HDAC5: variants seen among roughly 807,000 people sequenced by gnomAD.
HDAC5 encodes antigen NY-CO-9.
Under a neutral mutation model 133.3 loss-of-function variants are expected in HDAC5, and 25 were observed. The observed-to-expected ratio is 0.19, with a 90% CI of 0.14 to 0.26. The LOEUF is 0.26. HDAC5 is among the 10% of genes least tolerant of loss of function. The pLI is 1.00. For synonymous variants in HDAC5, 589 were observed against 610.8 expected, an observed-to-expected ratio of 0.96 and a Z score of 0.53; for missense variants, 1,041 against 1,460.5, an observed-to-expected ratio of 0.71 and a Z score of 4.68.
chr17:44,115,148 T>G (rs935428895), intron 2 of HDAC5, among the ~76,000 whole-genome samples: 14 of 152,222 alleles, frequency 9.2e-5, no homozygotes, highest in African/African-American at 3.4e-4. Context: ...TGATACTCAG[T>G]GAGGACTTGC....
At chr17:44,100,400 G>C (rs1256366349) in intron 3 of HDAC5, among the ~76,000 whole-genome samples, 1 of 151,796 alleles carries the variant, frequency 6.6e-6, no homozygotes, top group African/African-American at 2.4e-5. Flanking sequence ...GACCCAAGAG[G>C]CTTAGCATCT....
Position 44,086,627 on chromosome 17 carries a change from G to A in HDAC5, c.1995C>T (p.Ala665=), listed in dbSNP as rs1210037389. The A allele has an allele frequency of 7.7e-7, 1 of 1,303,034 alleles. No homozygotes were observed. 80.7% of individuals were successfully genotyped at this position (1,303,034 alleles called of 1,614,324 possible). ...CTGGGGGGCTCTTCATGCCCCCAGG[G>A]GCAGCAGGGGAGGACTGGGTACGGC... ...ALGRTQSSPA[A]PGGMKSPPDQ... The change falls in exon 14 of 27, where the codon GCC becomes GCT. Residue 665 remains alanine, a synonymous_variant. Coordinates refer to ENST00000682912, the MANE Select transcript of HDAC5 (RefSeq NM_005474.5).
At chr17:44,086,812 TCCAGTGGG>T in intron 13 of HDAC5, 75 bp from the exon 14 acceptor site, 1 of 1,154,274 alleles carries the variant, frequency 8.7e-7, no homozygotes, top group Non-Finnish European at 1.1e-6. Context: ...TGTCAGGGCC[TCCAGTGGG>T]GCCCCAATCC....
rs971583941 is a variant in HDAC5, at chr17:44,077,303, G to A, written c.*1073C>T. On this transcript the variant is annotated 3_prime_UTR_variant, in exon 27 of 27. Transcript: ENST00000682912. ...CCCCTCCTGGTCTTAGCTCCCTTGGGCTGGTGGTCAGCAAAGGGAGCCCAG... is the reference window on the plus strand; with the variant it reads ...CCCCTCCTGGTCTTAGCTCCCTTGGACTGGTGGTCAGCAAAGGGAGCCCAG... 1 of 152,662 alleles carries A rather than the reference G, an allele frequency of 6.6e-6. No homozygotes were observed. Among genetic ancestry groups the A allele is most frequent in the Admixed American group, 6.5e-5 (1 of 15,272 alleles). 9.5% of individuals were successfully genotyped at this position (152,662 alleles called of 1,614,324 possible).
At position 44,093,215 on chromosome 17, in the gene HDAC5, C is replaced by G. The variant is rs770444988; in HGVS notation, c.527-9G>C. 8 of 1,602,376 alleles carry G rather than the reference C, an allele frequency of 5.0e-6. No homozygotes were observed. In the South Asian group the frequency reaches 7.8e-5, roughly 16 times the overall value. ...AGTGCTGGCAATGGCACCTGCAGGA[C>G]AGGGCACAACTGACCTGGCTGCTTG... On this transcript the variant is annotated splice_polypyrimidine_tract_variant and intron_variant, in intron 5 of 26. Coordinates refer to ENST00000682912, the MANE Select transcript of HDAC5 (RefSeq NM_005474.5).
chr17:44,095,524 T>G (rs1381031316), intron 3 of HDAC5, among the ~76,000 whole-genome samples: 43 of 106,036 alleles, frequency 4.1e-4, no homozygotes, highest in South Asian at 8.8e-4. Flanking sequence ...GGAATGGGGG[T>G]GGGGTGGGAA....
At chr17:44,118,981 T>A (rs2052820376) in intron 1 of HDAC5, among the ~76,000 whole-genome samples, 1 of 152,152 alleles carries the variant, frequency 6.6e-6, no homozygotes, top group East Asian at 1.9e-4. Context: ...TGAACACACA[T>A]GCGCATGCAC....
Position 44,092,196 on chromosome 17 carries a change from G to C in HDAC5, c.1008C>G (p.Gly336=). 1 of 1,614,034 alleles carries C rather than the reference G, an allele frequency of 6.2e-7. No individual in the cohort carries two copies. The highest frequency in any genetic ancestry group is 8.5e-7 in the Non-Finnish European group (1 of 1,179,958). The change falls in exon 9 of 27, where the codon GGC becomes GGG. Residue 336 remains glycine (G), a synonymous_variant. Coordinates refer to ENST00000682912, the MANE Select transcript of HDAC5 (RefSeq NM_005474.5). The part of the protein sequence containing the change: ...HSTIAENGFT[G]SVPNIPTEML... ...CCTCAGTGGGGATGTTGGGGACTGAGCCAGTAAAGCCATTCTCAGCGATGG... is the reference window on the plus strand; with the variant it reads ...CCTCAGTGGGGATGTTGGGGACTGACCCAGTAAAGCCATTCTCAGCGATGG...
intron 1 of HDAC5, chr17:44,120,628 G>A (rs1301390893): frequency 6.6e-6 from 1 of 152,012 alleles, no homozygotes; most frequent in Non-Finnish European, 1.5e-5. Flanking sequence ...TGTAATCACA[G>A]CTACTCGGGA....
At chr17:44,103,275 G>T (rs2051732303) in intron 3 of HDAC5, among the ~76,000 whole-genome samples, 1 of 152,166 alleles carries the variant, frequency 6.6e-6, no homozygotes. Flanking sequence ...GACTAGTGAG[G>T]CCAATTTAGG....
At chr17:44,099,937 C>A (rs987917710) in intron 3 of HDAC5, among the ~76,000 whole-genome samples, 2 of 152,198 alleles carry the variant, frequency 1.3e-5, no homozygotes, top group African/African-American at 4.8e-5. Flanking sequence ...TCAGGAACCC[C>A]ATCAGCCCAG....
At position 44,092,291 on chromosome 17, in the gene HDAC5, G is replaced by A. The variant is rs554285111; in HGVS notation, c.920-7C>T. ...CTGTTACACACGGACGACGCTATAG[G>A]AGAAGTGGCTGTCACCTGGGCCTGC... is the stretch of plus-strand genomic sequence containing the variant. On this transcript the variant is annotated splice_region_variant and splice_polypyrimidine_tract_variant and intron_variant, in intron 8 of 26. Transcript: ENST00000682912. 1.9e-6 allele frequency: 3 copies of A among 1,613,922 alleles called. No individual in the cohort carries two copies. Among genetic ancestry groups the A allele is most frequent in the Admixed American group, 1.7e-5 (1 of 60,002 alleles).
intron 3 of HDAC5, among the ~76,000 whole-genome samples, chr17:44,101,311 T>C (rs768691906): frequency 6.9e-6 from 1 of 145,718 alleles, no homozygotes; most frequent in Non-Finnish European, 1.5e-5. Flanking sequence ...GCTGAGGGGC[T>C]GAGGCAGGAG....
At chr17:44,102,661 TTCTC>T (rs1289875882) in intron 3 of HDAC5, among the ~76,000 whole-genome samples, 1 of 124,442 alleles carries the variant, frequency 8.0e-6, no homozygotes, top group African/African-American at 2.9e-5. Context: ...CCCGGCCAGG[TTCTC>T]TCTTTTTTTT....
Position 44,123,574 on chromosome 17 carries a change from T to G in HDAC5, c.-260A>C, listed in dbSNP as rs988470843. The G allele has an allele frequency of 4.6e-4, 184 of 400,010 alleles. No homozygotes were observed. Among genetic ancestry groups the G allele is most frequent in the Non-Finnish European group, 5.7e-5 (13 of 228,000 alleles). 24.8% of individuals were successfully genotyped at this position (400,010 alleles called of 1,614,324 possible). A position where few individuals can be genotyped will look rare whatever the true frequency, so the allele number is the denominator to read the frequency against. ...CGGCGGCGGCAGCGGCGGCAGCACC[T>G]CCTCGACGGCTCCTCCATCTTTGCG... On this transcript the variant is annotated 5_prime_UTR_variant, in exon 1 of 27. Transcript: ENST00000682912.
chr17:44,092,943 G>A, intron 6 of HDAC5, 137 bp from the exon 7 acceptor site: 1 of 662,062 alleles, frequency 1.5e-6, no homozygotes, highest in Non-Finnish European at 2.6e-6. Flanking sequence ...GAAGGAATGA[G>A]GAAATAAACC....
Position 44,087,658 on chromosome 17 carries a change from G to A in HDAC5, c.1638C>T (p.Thr546=), listed in dbSNP as rs749953843. 2 of 1,609,334 alleles carry A rather than the reference G, an allele frequency of 1.2e-6. No individual in the cohort carries two copies. Among genetic ancestry groups the A allele is most frequent in the Admixed American group, 1.7e-5 (1 of 59,752 alleles). ...CCTCCTCTGTCTCCTCAGGGTGGGT[G>A]GTGGGCTGCCTGGGCAGCTCCCCTG... The part of the protein sequence containing the change: ...TKTGELPRQP[T]THPEETEEEL... The change falls in exon 13 of 27, where the codon ACC becomes ACT. Residue 546 remains threonine, a synonymous_variant. Coordinates refer to ENST00000682912, the MANE Select transcript of HDAC5 (RefSeq NM_005474.5).
intron 3 of HDAC5, among the ~76,000 whole-genome samples, chr17:44,106,667 C>T (rs146088071): frequency 0.011 from 1,694 of 151,906 alleles, 14 homozygotes; most frequent in Middle Eastern, 0.044. Context: ...CTCGACTCAC[C>T]GCAACCTCTG....
At position 44,092,476 on chromosome 17, in the gene HDAC5, T is replaced by C. The variant is rs1204612375; in HGVS notation, c.824A>G (p.Glu275Gly). ...ACGCAGGAGGGGACTGCTTCTCCGC[T>C]CAGCCACCTTCTGTTTTAGCCTTGA... ...VRSRLKQKVA[E>G]RRSSPLLRRK... The change falls in exon 8 of 27, where the codon GAG (glutamate) becomes GGG (glycine). Residue 275 changes from glutamate to glycine, a missense_variant. By Grantham distance (98) the Glu-to-Gly change is moderately conservative (BLOSUM62 -2). Coordinates refer to ENST00000682912, the MANE Select transcript of HDAC5 (RefSeq NM_005474.5). 1 of 1,613,866 alleles carries C rather than the reference T, an allele frequency of 6.2e-7. No individual in the cohort carries two copies. Among genetic ancestry groups the C allele is most frequent in the East Asian group, 2.2e-5 (1 of 44,886 alleles).
Sources: allele counts gnomAD v4.1 joint callset (sites outside exome capture counted in the v4.1 genomes callset), GRCh38; gene constraint gnomAD v4.1.1; transcripts MANE v1.5; gene names NCBI Gene and HGNC (gene_info 2026-07-23, HGNC 2026-07-21).